TNRC6A: variants seen among roughly 807,000 people sequenced by gnomAD.
TNRC6A encodes the protein trinucleotide repeat-containing gene 6A protein.
A neutral mutation model predicts 221.2 loss-of-function variants in TNRC6A; 44 were observed. The observed-to-expected ratio is 0.20, with a 90% confidence interval of 0.16 to 0.26. TNRC6A has a LOEUF of 0.26. Among genes scored for constraint, TNRC6A ranks in the 10% least tolerant of loss-of-function variants. The pLI, the probability that TNRC6A is intolerant of heterozygous loss-of-function variation, is 1.00. For synonymous variants in TNRC6A, 847 were observed against 838.5 expected, an observed-to-expected ratio of 1.01 and a Z score of -0.18; for missense variants, 2,199 against 2,404.4, an observed-to-expected ratio of 0.91 and a Z score of 1.79.
At chr16:24,713,113 C>T (rs934453705) in intron 2 of TNRC6A, among the ~76,000 whole-genome samples, 1 of 152,014 alleles carries the variant, frequency 6.6e-6, no homozygotes, top group Non-Finnish European at 1.5e-5. Context: ...TTTGAAAGTA[C>T]TTTTGCAGGT....
At chr16:24,689,752 T>A (rs1313268360) in intron 2 of TNRC6A, among the ~76,000 whole-genome samples, 1 of 151,738 alleles carries the variant, frequency 6.6e-6, no homozygotes, top group African/African-American at 2.4e-5. Flanking sequence ...TGACACATGC[T>A]ATGAGAAAAA....
Position 24,805,137 on chromosome 16 carries a change from T to C in TNRC6A, c.4108T>C (p.Leu1370=). ...PNLRAQVPPP[L]LSPQVPVSLL... Reference sequence around the variant, plus strand: ...TCTCCGTGCTCAAGTGCCTCCTCCATTACTCTCCCCTCAGGTAAATAAGCT... The same window carrying C: ...TCTCCGTGCTCAAGTGCCTCCTCCACTACTCTCCCCTCAGGTAAATAAGCT... Residue 1370 remains leucine (L), a synonymous_variant, in exon 14 of 25, where the codon TTA becomes CTA. Transcript: ENST00000395799. 1 of 1,614,194 alleles carries C rather than the reference T, an allele frequency of 6.2e-7. No homozygotes were observed. Among genetic ancestry groups the C allele is most frequent in the Non-Finnish European group, 8.5e-7 (1 of 1,180,030 alleles).
rs774652403 is a variant in TNRC6A at position 24,789,258 on chromosome 16, C to A, written c.616C>A (p.His206Asn). The change falls in exon 6 of 25, where the codon CAT (histidine) becomes AAT (asparagine). Residue 206 changes from histidine (H) to asparagine (N), a missense_variant. Transcript: ENST00000395799. ...SDINHSTSGS[H>N]YENSQRGPVS... The stretch of plus-strand genomic sequence containing the variant: ...TATAAACCACAGTACTTCAGGATCC[C>A]ATTATGAAAATTCCCAGCGGGGACC... The A allele has an allele frequency of 6.2e-7, 1 of 1,607,898 alleles. No individual in the cohort carries two copies. The highest frequency in any genetic ancestry group is 1.7e-5 in the Admixed American group (1 of 59,282).
At chr16:24,773,013 A>G (rs2057645284) in intron 4 of TNRC6A, among the ~76,000 whole-genome samples, 1 of 151,666 alleles carries the variant, frequency 6.6e-6, no homozygotes, top group Non-Finnish European at 1.5e-5. Flanking sequence ...ATTTTTTTCC[A>G]TTTTCATTTT....
intron 1 of TNRC6A, among the ~76,000 whole-genome samples, chr16:24,639,787 C>T (rs1901840664): frequency 6.6e-6 from 1 of 152,080 alleles, no homozygotes; most frequent in Non-Finnish European, 1.5e-5. Flanking sequence ...CTGGGACTTA[C>T]AGACATGCAC....
At chr16:24,616,539 A>G (rs1333711229) in intron 1 of TNRC6A, among the ~76,000 whole-genome samples, 2 of 152,156 alleles carry the variant, frequency 1.3e-5, no homozygotes, top group Admixed American at 6.5e-5. Flanking sequence ...ACAGTCAGAA[A>G]ATATACTCTA....
intron 1 of TNRC6A, among the ~76,000 whole-genome samples, chr16:24,612,759 AT>A (rs1900119364): frequency 6.6e-6 from 1 of 151,816 alleles, no homozygotes; most frequent in East Asian, 1.9e-4. Context: ...GAGAAAAAAA[AT>A]AGCTGTCCAA....
intron 2 of TNRC6A, among the ~76,000 whole-genome samples, chr16:24,723,586 TCTGTCAAA>T (rs2056447129): frequency 2.7e-5 from 2 of 74,436 alleles, no homozygotes; most frequent in Non-Finnish European, 5.4e-5. Context: ...AGAGCAAGAC[TCTGTCAAA>T]AAAAAAAAAA....
At chr16:24,680,014 A>C (rs1435286578) in intron 2 of TNRC6A, among the ~76,000 whole-genome samples, 1 of 152,228 alleles carries the variant, frequency 6.6e-6, no homozygotes, top group East Asian at 1.9e-4. Context: ...GCTACACATA[A>C]ATGTATATAA....
intron 2 of TNRC6A, among the ~76,000 whole-genome samples, chr16:24,659,104 C>T (rs945355417): frequency 6.6e-6 from 1 of 152,056 alleles, no homozygotes; most frequent in East Asian, 1.9e-4. Context: ...GCAGTAGGAC[C>T]CATTGCACCC....
intron 2 of TNRC6A, among the ~76,000 whole-genome samples, chr16:24,732,493 A>G (rs1229639642): frequency 3.3e-5 from 5 of 152,224 alleles, no homozygotes; most frequent in East Asian, 1.9e-4. Flanking sequence ...CCTGTGAGGT[A>G]GGTAGTATTG....
chr16:24,727,142 G>T (rs1900173747), upstream of TNRC6A, among the ~76,000 whole-genome samples: 1 of 150,920 alleles, frequency 6.6e-6, no homozygotes, highest in African/African-American at 2.4e-5. Flanking sequence ...CGATTCTCCT[G>T]CCTCAGCCTC....
intron 2 of TNRC6A, among the ~76,000 whole-genome samples, chr16:24,658,460 C>T (rs181721746): frequency 6.6e-6 from 1 of 152,250 alleles, no homozygotes; most frequent in East Asian, 1.9e-4. Flanking sequence ...CTTCCCAATT[C>T]GAGCAATTCT....
At chr16:24,781,141 A>T (rs72768696) in intron 5 of TNRC6A, among the ~76,000 whole-genome samples, 7,449 of 140,456 alleles carry the variant, frequency 0.053, 280 homozygotes, top group Middle Eastern at 0.092. Flanking sequence ...TACAGCCTCA[A>T]CCTCCCAGCT....
intron 2 of TNRC6A, among the ~76,000 whole-genome samples, chr16:24,667,502 G>A (rs1272316058): frequency 1.3e-5 from 2 of 152,220 alleles, no homozygotes; most frequent in African/African-American, 2.4e-5. Context: ...CTCTTAATAA[G>A]AGGAGCTGCA....
chr16:24,617,006 C>T (rs1900389787), intron 1 of TNRC6A, among the ~76,000 whole-genome samples: 2 of 152,172 alleles, frequency 1.3e-5, no homozygotes, highest in Admixed American at 6.5e-5. Flanking sequence ...TTGTGCAAGT[C>T]TTCTGTAACC....
intron 11 of TNRC6A, among the ~76,000 whole-genome samples, chr16:24,799,235 G>C (rs2058282973): frequency 6.6e-6 from 1 of 152,162 alleles, no homozygotes; most frequent in African/African-American, 2.4e-5. Context: ...AACCTATAAA[G>C]GGCCTAAGTC....
intron 2 of TNRC6A, among the ~76,000 whole-genome samples, chr16:24,748,889 T>C (rs1041122292): frequency 4.6e-5 from 7 of 152,166 alleles, no homozygotes; most frequent in Non-Finnish European, 1.0e-4. Context: ...TATTCCTTTT[T>C]TTTGAAACAG....
intron 11 of TNRC6A, among the ~76,000 whole-genome samples, chr16:24,802,488 G>T (rs936177946): frequency 1.3e-5 from 2 of 152,212 alleles, no homozygotes; most frequent in Non-Finnish European, 2.9e-5. Flanking sequence ...GGCACAGGCT[G>T]CAGTGAGCCA....
Sources: gnomAD v4.1 joint callset for allele counts (sites outside exome capture counted in the v4.1 genomes callset) on GRCh38, gnomAD v4.1.1 for gene constraint, MANE v1.5 for transcripts, NCBI Gene and HGNC (gene_info 2026-07-23, HGNC 2026-07-21) for gene names.